The following DNAJA3 variants were observed in gnomAD, a reference collection of about 807,000 sequenced individuals.
DNAJA3 encodes dnaJ homolog subfamily A member 3, mitochondrial.
Under a neutral mutation model 54.9 loss-of-function variants are expected in DNAJA3, and 29 were observed. The ratio of observed to expected loss-of-function variants is 0.53; its 90% CI spans 0.39 to 0.72. DNAJA3 has a LOEUF of 0.72. DNAJA3 is among the 30% of genes least tolerant of loss of function. The pLI is 0.00. For missense variants in DNAJA3, 708 were observed against 639.4 expected (o/e 1.11, Z -1.16); for synonymous variants, 302 against 251.4 (o/e 1.20, Z -1.90).
intron 2 of DNAJA3, among the ~76,000 whole-genome samples, chr16:4,434,801 A>G (rs2056752519): frequency 6.6e-6 from 1 of 151,898 alleles, no homozygotes; most frequent in African/African-American, 2.4e-5. Context: ...TTTCTGAATC[A>G]GTAGATATGC....
chr16:4,455,398 A>G (rs1251273282), intron 11 of DNAJA3, 148 bp from the exon 12 acceptor site: 1 of 854,906 alleles, frequency 1.2e-6, no homozygotes. Flanking sequence ...CTTGGGACCC[A>G]CTTTGGTTTA....
chr16:4,434,171 G>T (rs755397733), intron 1 of DNAJA3: 2 of 543,642 alleles, frequency 3.7e-6, no homozygotes, highest in Non-Finnish European at 6.4e-6. Context: ...GGAGGTAACC[G>T]CTCCTGTGAT....
At chr16:4,444,614 G>A (rs775282100) in intron 6 of DNAJA3, 50 bp from the exon 7 acceptor site, 8 of 1,546,744 alleles carry the variant, frequency 5.2e-6, no homozygotes, top group African/African-American at 4.1e-5. Context: ...GATTACAGGC[G>A]TGAGCCACCG....
rs972221447 is a variant in DNAJA3 at position 4,450,498 on chromosome 16, G to C, written c.1339+1G>C. On this transcript the variant is annotated splice_donor_variant, in intron 10 of 11. Transcript: ENST00000262375. LOFTEE classifies it high-confidence loss of function. ...AACGGCGTCACCCTCACCAGCTCTGGTAAGGAGTCTGAAGACTACATGGTG... is the reference window on the plus strand; with the variant it reads ...AACGGCGTCACCCTCACCAGCTCTGCTAAGGAGTCTGAAGACTACATGGTG... The C allele has an allele frequency of 6.2e-7, 1 of 1,604,656 alleles. No individual in the cohort carries two copies. Among genetic ancestry groups the C allele is most frequent in the Admixed American group, 1.7e-5 (1 of 58,720 alleles).
intron 1 of DNAJA3, among the ~76,000 whole-genome samples, chr16:4,432,719 C>G (rs1368622985): frequency 6.6e-6 from 1 of 152,094 alleles, no homozygotes; most frequent in South Asian, 2.1e-4. Flanking sequence ...GCCTGTAGTC[C>G]CAGTTACTTG....
At chr16:4,443,978 G>A (rs527246712) in intron 6 of DNAJA3, among the ~76,000 whole-genome samples, 3 of 152,314 alleles carry the variant, frequency 2.0e-5, no homozygotes, top group South Asian at 2.1e-4. Flanking sequence ...GAGCCACCGC[G>A]CGTGGCCTGC....
intron 1 of DNAJA3, among the ~76,000 whole-genome samples, chr16:4,430,341 C>T (rs958240606): frequency 6.6e-6 from 1 of 151,466 alleles, no homozygotes; most frequent in Non-Finnish European, 1.5e-5. Flanking sequence ...GTGGGTTGAT[C>T]GCCTGAGGTC....
At chr16:4,432,572 C>T (rs2056718057) in intron 1 of DNAJA3, among the ~76,000 whole-genome samples, 1 of 148,568 alleles carries the variant, frequency 6.7e-6, no homozygotes. Flanking sequence ...TAACTCCTGA[C>T]CTCAGGTGAT....
chr16:4,448,285 A>G (rs1282284326), intron 8 of DNAJA3, among the ~76,000 whole-genome samples: 1 of 151,064 alleles, frequency 6.6e-6, no homozygotes, highest in Non-Finnish European at 1.5e-5. Flanking sequence ...TCAGCCCCCC[A>G]AAGTGCTGGG....
At chr16:4,452,251 T>G (rs2056987430) in intron 10 of DNAJA3, among the ~76,000 whole-genome samples, 1 of 152,188 alleles carries the variant, frequency 6.6e-6, no homozygotes, top group Non-Finnish European at 1.5e-5. Context: ...GGAACTCTAA[T>G]CAGTGCACCT....
At position 4,455,894 on chromosome 16, in the gene DNAJA3, C is replaced by A; in HGVS notation, c.*362C>A. On this transcript the variant is annotated 3_prime_UTR_variant, in exon 12 of 12. Transcript: ENST00000262375. ...TCTTAGTTAAAGGCCATGCTTACAG[C>A]TTAGAAATGAAGCCTTAAGCTGCAT... 2.1e-6 allele frequency: 1 copy of A among 466,316 alleles called. No individual in the cohort carries two copies. The highest frequency in any genetic ancestry group is 3.9e-6 in the Non-Finnish European group (1 of 258,584). 28.9% of individuals were successfully genotyped at this position (466,316 alleles called of 1,614,324 possible).
At chr16:4,432,922 A>G (rs1335182820) in intron 1 of DNAJA3, among the ~76,000 whole-genome samples, 2 of 151,930 alleles carry the variant, frequency 1.3e-5, no homozygotes, top group Non-Finnish European at 1.5e-5. Context: ...CAGGCGGATC[A>G]TGAGGTCAGG....
intron 2 of DNAJA3, among the ~76,000 whole-genome samples, chr16:4,435,872 A>G (rs1201631693): frequency 6.6e-6 from 1 of 152,156 alleles, no homozygotes; most frequent in Non-Finnish European, 1.5e-5. Flanking sequence ...TGGTAACTGG[A>G]TGTTTAACCT....
chr16:4,428,419 C>A (rs1042286530), intron 1 of DNAJA3, among the ~76,000 whole-genome samples: 5 of 152,190 alleles, frequency 3.3e-5, no homozygotes, highest in Non-Finnish European at 7.3e-5. Flanking sequence ...AGCTTGCTAA[C>A]ATTTTCTAAT....
chr16:4,446,796 AG>A, intron 7 of DNAJA3, 89 bp from the exon 8 acceptor site: 1 of 1,518,118 alleles, frequency 6.6e-7, no homozygotes, highest in African/African-American at 1.4e-5. Flanking sequence ...GTAGTTTGTC[AG>A]GTCTGAGCTT....
chr16:4,451,885 CCT>C (rs2056982930), intron 10 of DNAJA3, among the ~76,000 whole-genome samples: 1 of 145,954 alleles, frequency 6.9e-6, no homozygotes, highest in Non-Finnish European at 1.5e-5. Flanking sequence ...ATGGTGAAAC[CCT>C]GTCTCTACTA....
At chr16:4,442,812 T>C in intron 5 of DNAJA3, 2 of 606,870 alleles carry the variant, frequency 3.3e-6, no homozygotes, top group Non-Finnish European at 5.8e-6. Context: ...AAGTTGATGA[T>C]CTGGAGTGCA....
chr16:4,437,577 T>C lies in DNAJA3; in HGVS notation c.429+92T>C, dbSNP rs549212015. The stretch of plus-strand genomic sequence containing the variant: ...CTACCTGGGACAGCCTGGTGTGTCA[T>C]ACAGTCCAGTGTGAAGGCCATGTCC... On this transcript the variant is annotated intron_variant, in intron 3 of 11. Transcript: ENST00000262375. 1.8e-5 allele frequency: 19 copies of C among 1,031,464 alleles called. No individual in the cohort carries two copies. The African/African-American group carries it at 2.7e-4, about 15-fold the overall frequency. 63.9% of individuals were successfully genotyped at this position (1,031,464 alleles called of 1,614,324 possible). A position where few individuals can be genotyped will look rare whatever the true frequency, so the allele number is the denominator to read the frequency against.
In DNAJA3 at chr16:4,425,923, G is replaced by T; in HGVS notation, c.42G>T (p.Val14=). 1 of 1,550,090 alleles carries T rather than the reference G, an allele frequency of 6.5e-7. No individual in the cohort carries two copies. The highest frequency in any genetic ancestry group is 8.7e-7 in the Non-Finnish European group (1 of 1,148,834). The change falls in exon 1 of 12, where the codon GTG becomes GTT. Residue 14 remains valine, a synonymous_variant. Coordinates refer to ENST00000262375, the MANE Select transcript of DNAJA3 (RefSeq NM_005147.6). The stretch of plus-strand genomic sequence containing the variant: ...CCACACGCTGGTTGCTGGTGGTTGT[G>T]GGGACCCCGCGGCTGCCGGCTATAT... The part of the protein sequence containing the change: ...RCSTRWLLVV[V]GTPRLPAISG...
Sources: allele counts gnomAD v4.1 joint callset (sites outside exome capture counted in the v4.1 genomes callset), GRCh38; gene constraint gnomAD v4.1.1; transcripts MANE v1.5; gene names NCBI Gene and HGNC (gene_info 2026-07-23, HGNC 2026-07-21).